Variants in MYO3B observed in about 807,000 individuals in gnomAD.
MYO3B encodes myosin-IIIb.
In MYO3B, 156 loss-of-function variants were observed where a neutral mutation model predicts 174.6. That is an observed-to-expected ratio of 0.89 (90% CI 0.78 to 1.02). The LOEUF is 1.02. Ranked by LOEUF, MYO3B falls within the 50% of genes least tolerant of loss-of-function variation. The pLI is 0.00. For missense variants in MYO3B, 1,632 were observed against 1,639.4 expected, an observed-to-expected ratio of 1.00 and a Z score of 0.08; for synonymous variants, 563 against 569.1, an observed-to-expected ratio of 0.99 and a Z score of 0.15.
At chr2:170,520,777 A>G (rs923352206) in intron 30 of MYO3B, among the ~76,000 whole-genome samples, 5 of 152,134 alleles carry the variant, frequency 3.3e-5, no homozygotes, top group African/African-American at 7.2e-5. Context: ...CAGGCCAGGC[A>G]TGACACCAAG....
Position 170,465,032 on chromosome 2 carries a change from A to T in MYO3B, c.2809-1474A>T, listed in dbSNP as rs990064024. ...CAGGTACGTGCCACCATGCCTGGCA[A>T]TTTTTTTTTTTTGTATTTTCACTAG... is the stretch of plus-strand genomic sequence containing the variant. On this transcript the variant is annotated intron_variant, in intron 24 of 34. Coordinates refer to ENST00000408978, the MANE Select transcript of MYO3B (RefSeq NM_138995.5). 3.1e-4 allele frequency among the ~76,000 whole-genome samples: 45 copies of T among 146,184 alleles called. 1 individual carries two copies. In the South Asian group the frequency reaches 6.2e-3, roughly 20 times the overall value.
chr2:170,504,831 G>T (rs1256173544), intron 28 of MYO3B, among the ~76,000 whole-genome samples: 1 of 152,098 alleles, frequency 6.6e-6, no homozygotes, highest in South Asian at 2.1e-4. Context: ...TTAATTGTGG[G>T]CCCTTCATTC....
intron 9 of MYO3B, among the ~76,000 whole-genome samples, chr2:170,380,231 G>A (rs965997706): frequency 6.6e-6 from 1 of 152,008 alleles, no homozygotes; most frequent in Non-Finnish European, 1.5e-5. Flanking sequence ...ACAGTATGTA[G>A]GACAGTTTAT....
intron 25 of MYO3B, among the ~76,000 whole-genome samples, chr2:170,472,367 T>C (rs1466552399): frequency 6.6e-6 from 1 of 152,176 alleles, no homozygotes; most frequent in African/African-American, 2.4e-5. Context: ...ATTGAATTAC[T>C]TGGTGTTCCC....
chr2:170,575,675 C>T (rs1351021686), intron 32 of MYO3B, among the ~76,000 whole-genome samples: 1 of 152,114 alleles, frequency 6.6e-6, no homozygotes, highest in Non-Finnish European at 1.5e-5. Flanking sequence ...ACAAACATAC[C>T]CTAAAATAGT....
At chr2:170,588,057 T>TG (rs1258310650) in intron 32 of MYO3B, among the ~76,000 whole-genome samples, 1 of 152,046 alleles carries the variant, frequency 6.6e-6, no homozygotes, top group Non-Finnish European at 1.5e-5. Context: ...CAGTCTTGGT[T>TG]GGGGGGAGTG....
At chr2:170,355,451 C>T (rs1360994517) in intron 8 of MYO3B, among the ~76,000 whole-genome samples, 1 of 152,204 alleles carries the variant, frequency 6.6e-6, no homozygotes, top group Non-Finnish European at 1.5e-5. Context: ...ACGACTATTG[C>T]AGCTCTAGGT....
chr2:170,593,059 A>C (rs1488915800), intron 32 of MYO3B, among the ~76,000 whole-genome samples: 1 of 152,148 alleles, frequency 6.6e-6, no homozygotes, highest in Non-Finnish European at 1.5e-5. Context: ...TTCTGTACAT[A>C]GATCTGTCTG....
chr2:170,488,019 T>C (rs936618171), intron 25 of MYO3B, among the ~76,000 whole-genome samples: 1 of 152,206 alleles, frequency 6.6e-6, no homozygotes, highest in African/African-American at 2.4e-5. Context: ...AAATCCAGCC[T>C]CTTTAATCAA....
rs111757059 is a variant in MYO3B at position 170,243,548 on chromosome 2, A to G, written c.749+7412A>G. On this transcript the variant is annotated intron_variant, in intron 7 of 34. Transcript: ENST00000408978. ...AAGTTACTGCATGTCTGTGTGTGTC[A>G]GTGTCCTCCCTTATAAAATGAGGAT... 3.0e-3 allele frequency among the ~76,000 whole-genome samples: 463 copies of G among 152,354 alleles called. 5 individuals carry two copies. Among genetic ancestry groups the G allele is most frequent in the African/African-American group, 0.011 (441 of 41,584 alleles).
At chr2:170,322,124 A>AT (rs2093832593) in intron 7 of MYO3B, among the ~76,000 whole-genome samples, 1 of 151,880 alleles carries the variant, frequency 6.6e-6, no homozygotes, top group Non-Finnish European at 1.5e-5. Flanking sequence ...AAAAAAAAAA[A>AT]AAAAAAAAGA....
intron 22 of MYO3B, among the ~76,000 whole-genome samples, chr2:170,410,455 C>T (rs991445001): frequency 6.6e-6 from 1 of 151,966 alleles, no homozygotes; most frequent in Non-Finnish European, 1.5e-5. Context: ...GTGGCGGGCA[C>T]CTGTAATCCC....
At chr2:170,563,972 A>G (rs945535242) in intron 32 of MYO3B, among the ~76,000 whole-genome samples, 1 of 152,216 alleles carries the variant, frequency 6.6e-6, no homozygotes, top group African/African-American at 2.4e-5. Context: ...GCAGTGAAGA[A>G]TGGATGTTGA....
chr2:170,217,410 C>A lies in MYO3B; in HGVS notation c.603+15C>A. The A allele has an allele frequency of 6.2e-7, 1 of 1,606,840 alleles. No homozygotes were observed. The highest frequency in any genetic ancestry group is 8.5e-7 in the Non-Finnish European group (1 of 1,173,428). ...TGGCCCCTGAGGTAAGCTGGAAATACCTAGTTCTTTCTTTGCACTTGTTGA... is the reference window on the plus strand; with the variant it reads ...TGGCCCCTGAGGTAAGCTGGAAATAACTAGTTCTTTCTTTGCACTTGTTGA... On this transcript the variant is annotated intron_variant, in intron 6 of 34. Coordinates refer to ENST00000408978, the MANE Select transcript of MYO3B (RefSeq NM_138995.5).
chr2:170,566,211 A>G (rs200145919), intron 32 of MYO3B, among the ~76,000 whole-genome samples: 1 of 152,214 alleles, frequency 6.6e-6, no homozygotes, highest in Non-Finnish European at 1.5e-5. Context: ...AATGTAAGAA[A>G]GCATCTAAAA....
At chr2:170,507,390 T>C (rs1235204906) in intron 28 of MYO3B, among the ~76,000 whole-genome samples, 1 of 152,054 alleles carries the variant, frequency 6.6e-6, no homozygotes, top group Non-Finnish European at 1.5e-5. Context: ...TGGGGCTTTC[T>C]TTCTTTCTTT....
At chr2:170,373,622 G>GAT (rs2094264792) in intron 9 of MYO3B, among the ~76,000 whole-genome samples, 1 of 152,068 alleles carries the variant, frequency 6.6e-6, no homozygotes, top group Non-Finnish European at 1.5e-5. Flanking sequence ...AAAGGGGAAG[G>GAT]ATATATATAG....
chr2:170,386,227 A>C lies in MYO3B; in HGVS notation c.1329A>C (p.Thr443=), dbSNP rs755678601. The C allele has an allele frequency of 1.2e-6, 2 of 1,613,666 alleles. No homozygotes were observed. The highest frequency in any genetic ancestry group is 8.5e-7 in the Non-Finnish European group (1 of 1,179,658). ...GCGGAGAGAGTGGCTCTGGGAAGAC[A>C]GAAAGCGCCCACCTGATTGTTCAGC... ...VISGESGSGK[T]ESAHLIVQHL... is the part of the protein sequence containing the mutation. The change falls in exon 13 of 35, where the codon ACA becomes ACC. Residue 443 remains threonine (T), a synonymous_variant. Coordinates refer to ENST00000408978, the MANE Select transcript of MYO3B (RefSeq NM_138995.5).
At chr2:170,203,552 G>T (rs1241155472) in intron 3 of MYO3B, among the ~76,000 whole-genome samples, 1 of 151,610 alleles carries the variant, frequency 6.6e-6, no homozygotes, top group Non-Finnish European at 1.5e-5. Context: ...GAGACCGACA[G>T]ACCGATGGAC....
Sources: allele counts gnomAD v4.1 joint callset (sites outside exome capture counted in the v4.1 genomes callset), GRCh38; gene constraint gnomAD v4.1.1; transcripts MANE v1.5; gene names NCBI Gene and HGNC (gene_info 2026-07-23, HGNC 2026-07-21).